DIAPH3: variants seen among roughly 807,000 people sequenced by gnomAD.
DIAPH3 encodes diaphanous related formin 3, also known as protein diaphanous homolog 3.
DIAPH3 carries 117 observed loss-of-function variants against 144.3 expected under a neutral mutation model. That is an observed-to-expected ratio of 0.81 (90% CI 0.70 to 0.95). The LOEUF is 0.95. DIAPH3 is among the 40% of genes least tolerant of loss of function. The pLI is 0.00. For missense variants in DIAPH3, 1,421 were observed against 1,412.7 expected (o/e 1.01, Z -0.09); for synonymous variants, 519 against 488.9 (o/e 1.06, Z -0.81).
intron 18 of DIAPH3, among the ~76,000 whole-genome samples, chr13:59,923,132 A>G (rs1252542291): frequency 6.6e-6 from 1 of 152,084 alleles, no homozygotes; most frequent in African/African-American, 2.4e-5. Flanking sequence ...TAAATAAATA[A>G]CCGTGTTCAA....
chr13:60,007,220 T>C (rs1489787494), intron 9 of DIAPH3, among the ~76,000 whole-genome samples: 1 of 152,074 alleles, frequency 6.6e-6, no homozygotes, highest in Non-Finnish European at 1.5e-5. Flanking sequence ...CCCGGCTAAT[T>C]TTTGTATTTT....
intron 17 of DIAPH3, among the ~76,000 whole-genome samples, chr13:59,968,044 T>A (rs2050156064): frequency 2.0e-5 from 3 of 152,070 alleles, no homozygotes. Flanking sequence ...AAATATGGAG[T>A]ATGCAAAAAA....
chr13:59,757,694 C>G (rs2037361412), intron 27 of DIAPH3, among the ~76,000 whole-genome samples: 1 of 152,104 alleles, frequency 6.6e-6, no homozygotes, highest in South Asian at 2.1e-4. Flanking sequence ...GCCACCGCGC[C>G]CGGCCTATTA....
chr13:59,717,523 C>A (rs912035163), intron 27 of DIAPH3, among the ~76,000 whole-genome samples: 1 of 152,172 alleles, frequency 6.6e-6, no homozygotes, highest in African/African-American at 2.4e-5. Flanking sequence ...ACAGTCTGAC[C>A]ACTCACTCAG....
At position 59,971,161 on chromosome 13, in the gene DIAPH3, C is replaced by T; in HGVS notation, c.1651-1G>A. 1 of 1,566,100 alleles carries T rather than the reference C, an allele frequency of 6.4e-7. No individual in the cohort carries two copies. Among genetic ancestry groups the T allele is most frequent in the Non-Finnish European group, 8.7e-7 (1 of 1,154,634 alleles). On this transcript the variant is annotated splice_acceptor_variant, in intron 15 of 27. Coordinates refer to ENST00000400324, the MANE Select transcript of DIAPH3 (RefSeq NM_001042517.2). LOFTEE classifies it high-confidence loss of function. ...TACAATCAGCTGGCAAGGCACCAAA[C>T]TGGAGAAAAAAACAATAAGAGACAT...
At chr13:59,833,912 G>T (rs1002425334) in intron 23 of DIAPH3, among the ~76,000 whole-genome samples, 3 of 48,860 alleles carry the variant, frequency 6.1e-5, no homozygotes, top group African/African-American at 1.7e-4. Context: ...AAACTTTAAG[G>T]TTCTAAAAGC....
At chr13:60,076,693 C>G (rs1409012554) in intron 4 of DIAPH3, among the ~76,000 whole-genome samples, 8 of 151,792 alleles carry the variant, frequency 5.3e-5, no homozygotes, top group Admixed American at 5.3e-4. Flanking sequence ...CAATGAATCA[C>G]TTCTGAAAGA....
At chr13:59,838,008 TATTA>T (rs1176735616) in intron 23 of DIAPH3, 1 of 152,084 alleles carries the variant, frequency 6.6e-6, no homozygotes, top group African/African-American at 2.4e-5. Flanking sequence ...ACAAGCCAAA[TATTA>T]ATTTTGTGAT....
At chr13:59,813,970 T>A (rs965238080) in intron 24 of DIAPH3, among the ~76,000 whole-genome samples, 2 of 152,118 alleles carry the variant, frequency 1.3e-5, no homozygotes, top group African/African-American at 4.8e-5. Flanking sequence ...CATGTATGTA[T>A]CTATAAGGGA....
At chr13:60,133,183 T>C (rs1219476575) in intron 1 of DIAPH3, among the ~76,000 whole-genome samples, 194 bp from the exon 2 acceptor site, 1 of 152,072 alleles carries the variant, frequency 6.6e-6, no homozygotes, top group African/African-American at 2.4e-5. Flanking sequence ...CTGCGTGTGA[T>C]AGTTCCAAAC....
Position 59,741,715 on chromosome 13 carries a change from AG to A in DIAPH3, c.3319+32473del, listed in dbSNP as rs912460685. ...CTGGGCAACAAAGCAAAAAAAAAAA[AG>A]AAAGAAAGAAAAGAGAAAAAAGAGG... On this transcript the variant is annotated intron_variant, in intron 27 of 27. Coordinates refer to ENST00000400324, the MANE Select transcript of DIAPH3 (RefSeq NM_001042517.2). 3.2e-4 allele frequency among the ~76,000 whole-genome samples: 48 copies of A among 150,222 alleles called. 1 individual carries two copies. The highest frequency in any genetic ancestry group is 4.2e-4 in the South Asian group (2 of 4,740).
intron 1 of DIAPH3, among the ~76,000 whole-genome samples, chr13:60,138,102 A>G (rs1043545254): frequency 2.6e-5 from 4 of 152,036 alleles, no homozygotes; most frequent in Admixed American, 6.5e-5. Flanking sequence ...CTCAGACACA[A>G]TTTTCATAAG....
intron 20 of DIAPH3, among the ~76,000 whole-genome samples, chr13:59,898,650 A>G (rs1005220168): frequency 2.6e-5 from 4 of 152,204 alleles, no homozygotes; most frequent in South Asian, 2.1e-4. Context: ...TTCACAAGTG[A>G]GTACCTGACA....
chr13:60,097,318 A>T (rs200955365), intron 3 of DIAPH3, among the ~76,000 whole-genome samples: 1 of 152,140 alleles, frequency 6.6e-6, no homozygotes, highest in Non-Finnish European at 1.5e-5. Context: ...GAATAGATTA[A>T]TGACCTTCCT....
At chr13:60,130,989 A>G (rs1050008969) in intron 2 of DIAPH3, among the ~76,000 whole-genome samples, 6 of 152,118 alleles carry the variant, frequency 3.9e-5, no homozygotes, top group Non-Finnish European at 8.8e-5. Flanking sequence ...AGTTTCTAAA[A>G]CTTAAGGTAA....
intron 25 of DIAPH3, among the ~76,000 whole-genome samples, chr13:59,781,484 G>C (rs1393099719): frequency 6.6e-6 from 1 of 152,194 alleles, no homozygotes; most frequent in Admixed American, 6.5e-5. Context: ...AGGGACAAGA[G>C]AGCAAAGTGG....
intron 20 of DIAPH3, among the ~76,000 whole-genome samples, chr13:59,898,027 G>C (rs554203132): frequency 6.6e-6 from 1 of 150,510 alleles, no homozygotes; most frequent in African/African-American, 2.4e-5. Flanking sequence ...CTAGTTACTC[G>C]GGAGGCTGAG....
intron 20 of DIAPH3, among the ~76,000 whole-genome samples, chr13:59,902,651 C>T (rs2046506615): frequency 1.3e-5 from 2 of 152,056 alleles, no homozygotes; most frequent in South Asian, 4.2e-4. Context: ...TGGCGCACAC[C>T]TGTAATCCTA....
chr13:60,151,919 G>T (rs1951806045), intron 1 of DIAPH3, among the ~76,000 whole-genome samples: 1 of 151,970 alleles, frequency 6.6e-6, no homozygotes. Flanking sequence ...CATTAAAAAA[G>T]AATTGTAATT....
Sources: gnomAD v4.1 joint callset for allele counts (sites outside exome capture counted in the v4.1 genomes callset) on GRCh38, gnomAD v4.1.1 for gene constraint, MANE v1.5 for transcripts, NCBI Gene and HGNC (gene_info 2026-07-23, HGNC 2026-07-21) for gene names.